JARID2: variants seen among roughly 807,000 people sequenced by gnomAD.
JARID2 encodes the protein jumonji and AT-rich interaction domain containing 2.
In JARID2, 21 loss-of-function variants were observed where a neutral mutation model predicts 125.6. That is an observed-to-expected ratio of 0.17 (90% CI 0.12 to 0.24). The LOEUF is 0.24. Among genes scored for constraint, JARID2 ranks in the 10% least tolerant of loss-of-function variants. JARID2 has a pLI of 1.00. For synonymous variants in JARID2, 736 were observed against 661.6 expected (o/e 1.11, Z -1.73); for missense variants, 1,303 against 1,639.6 (o/e 0.79, Z 3.55).
At position 15,512,938 on chromosome 6, in the gene JARID2, T is replaced by G; in HGVS notation, c.3159T>G (p.Ala1053=). The change falls in exon 15 of 18, where the codon GCT becomes GCG. Residue 1053 remains alanine (A), a synonymous_variant. Coordinates refer to ENST00000341776, the MANE Select transcript of JARID2 (RefSeq NM_004973.4). The part of the protein sequence containing the change: ...TAKEMKRRHI[A]KPFSMEKLLY... ...AGGAAATGAAGCGTCGCCATATAGC[T>G]AAGCCATTCTCCATGGAGAAGTTAC... is the stretch of plus-strand genomic sequence containing the variant. 6.2e-7 allele frequency: 1 copy of G among 1,613,630 alleles called. No individual in the cohort carries two copies. The highest frequency in any genetic ancestry group is 8.5e-7 in the Non-Finnish European group (1 of 1,179,948).
At chr6:15,444,091 G>C (rs1460865306) in intron 3 of JARID2, among the ~76,000 whole-genome samples, 1 of 152,178 alleles carries the variant, frequency 6.6e-6, no homozygotes, top group African/African-American at 2.4e-5. Flanking sequence ...TGTAAAGCAA[G>C]AAATGAGGCT....
intron 6 of JARID2, among the ~76,000 whole-genome samples, chr6:15,488,580 T>C (rs2127719844): frequency 6.6e-6 from 1 of 152,314 alleles, no homozygotes; most frequent in Non-Finnish European, 1.5e-5. Context: ...TACATGGTTA[T>C]TGTGGTGTGA....
At chr6:15,412,233 C>A (rs774209794) in intron 3 of JARID2, among the ~76,000 whole-genome samples, 2 of 152,054 alleles carry the variant, frequency 1.3e-5, no homozygotes, top group African/African-American at 2.4e-5. Flanking sequence ...TGGGGATGGG[C>A]TGGGGCACTC....
intron 5 of JARID2, among the ~76,000 whole-genome samples, chr6:15,479,065 T>G (rs1769487705): frequency 6.6e-6 from 1 of 152,232 alleles, no homozygotes; most frequent in Non-Finnish European, 1.5e-5. Flanking sequence ...TGCAGTTCTG[T>G]GCTCTTGCCT....
chr6:15,494,790 T>C (rs1164439145), intron 6 of JARID2, among the ~76,000 whole-genome samples: 1 of 152,204 alleles, frequency 6.6e-6, no homozygotes, highest in Non-Finnish European at 1.5e-5. Flanking sequence ...ACCCGCCATC[T>C]GGGGACCTTC....
chr6:15,406,152 C>A (rs1388510127), intron 2 of JARID2, among the ~76,000 whole-genome samples: 1 of 152,168 alleles, frequency 6.6e-6, no homozygotes, highest in African/African-American at 2.4e-5. Flanking sequence ...ATCTATGGTC[C>A]TGGCCAGGCG....
At chr6:15,400,571 T>C (rs1030437574) in intron 2 of JARID2, among the ~76,000 whole-genome samples, 3 of 152,062 alleles carry the variant, frequency 2.0e-5, no homozygotes, top group Admixed American at 6.5e-5. Context: ...CCTCCCCCCA[T>C]ATGTCAGAAA....
intron 4 of JARID2, 143 bp from the exon 5 acceptor site, chr6:15,468,399 A>T: frequency 1.6e-6 from 1 of 625,930 alleles, no homozygotes; most frequent in Non-Finnish European, 2.5e-6. Context: ...TGATCTTGGG[A>T]GCATTTGAAA....
chr6:15,501,876 C>T (rs1181086802), intron 8 of JARID2, among the ~76,000 whole-genome samples: 1 of 152,332 alleles, frequency 6.6e-6, no homozygotes, highest in East Asian at 1.9e-4. Context: ...TTCGTTTCCC[C>T]TGCTTCTCCA....
intron 7 of JARID2, among the ~76,000 whole-genome samples, chr6:15,498,974 G>C (rs1410951357): frequency 6.6e-6 from 1 of 152,186 alleles, no homozygotes; most frequent in African/African-American, 2.4e-5. Flanking sequence ...GGAGCCTCGA[G>C]AGCACACTTG....
intron 1 of JARID2, among the ~76,000 whole-genome samples, chr6:15,370,109 G>A (rs1007723657): frequency 2.0e-5 from 3 of 152,174 alleles, no homozygotes; most frequent in Admixed American, 2.0e-4. Flanking sequence ...GAGCTTCGTT[G>A]AGTTTGTAAT....
At chr6:15,419,910 A>G (rs1295853361) in intron 3 of JARID2, among the ~76,000 whole-genome samples, 1 of 152,252 alleles carries the variant, frequency 6.6e-6, no homozygotes, top group Non-Finnish European at 1.5e-5. Context: ...TACTATGGAA[A>G]AATTAGAGCC....
chr6:15,460,422 TCTC>T (rs1162178946), intron 4 of JARID2, among the ~76,000 whole-genome samples: 1 of 152,164 alleles, frequency 6.6e-6, no homozygotes, highest in Non-Finnish European at 1.5e-5. Context: ...TCTCTGGCCT[TCTC>T]CTTACTTTCT....
intron 1 of JARID2, among the ~76,000 whole-genome samples, chr6:15,261,942 G>A (rs1331225757): frequency 1.3e-5 from 2 of 151,834 alleles, no homozygotes; most frequent in African/African-American, 2.4e-5. Context: ...CACCATGCCC[G>A]GCTAATTTTT....
chr6:15,403,421 A>G (rs1765518289), intron 2 of JARID2, among the ~76,000 whole-genome samples: 1 of 152,254 alleles, frequency 6.6e-6, no homozygotes, highest in Middle Eastern at 3.4e-3. Context: ...AGAGAGCCAG[A>G]ATGGGGCCCA....
At chr6:15,421,532 C>G (rs901312027) in intron 3 of JARID2, among the ~76,000 whole-genome samples, 9 of 152,290 alleles carry the variant, frequency 5.9e-5, no homozygotes, top group African/African-American at 2.2e-4. Context: ...ATAATAAAGC[C>G]TGTGACTATT....
intron 1 of JARID2, among the ~76,000 whole-genome samples, chr6:15,293,742 GTGGGAA>G (rs1302837221): frequency 6.6e-6 from 1 of 152,218 alleles, no homozygotes; most frequent in Admixed American, 6.5e-5. Flanking sequence ...CTCACTTTCT[GTGGGAA>G]TGTGTCTCCC....
At chr6:15,514,787 C>T (rs982799670) in intron 16 of JARID2, among the ~76,000 whole-genome samples, 2 of 152,282 alleles carry the variant, frequency 1.3e-5, no homozygotes, top group South Asian at 4.1e-4. Context: ...GAGGCCCTAC[C>T]CCCAACTGCA....
Position 15,513,286 on chromosome 6 carries a change from ACTC to A in JARID2, c.3319_3321del (p.Ser1107del). 2.5e-6 allele frequency: 4 copies of A among 1,592,194 alleles called. No homozygotes were observed. The highest frequency in any genetic ancestry group is 3.4e-6 in the Non-Finnish European group (4 of 1,170,262). On this transcript the variant is annotated inframe_deletion, in exon 16 of 18. Transcript: ENST00000341776. ...AGGCAGCTGTTCGAGGCTGGCCTCC[ACTC>A]CTCCGCACGCTATGGCAGCCACGAT...
Sources: allele counts gnomAD v4.1 joint callset (sites outside exome capture counted in the v4.1 genomes callset), GRCh38; gene constraint gnomAD v4.1.1; transcripts MANE v1.5; gene names NCBI Gene and HGNC (gene_info 2026-07-23, HGNC 2026-07-21).